Variants in LRRC58 observed in about 807,000 individuals in gnomAD.
LRRC58 encodes the protein leucine rich repeat containing 58.
Under a neutral mutation model 30.6 loss-of-function variants are expected in LRRC58, and 18 were observed. That is an observed-to-expected ratio of 0.59 (90% CI 0.41 to 0.87). The LOEUF is 0.87. Ranked by LOEUF, LRRC58 falls within the 40% of genes least tolerant of loss-of-function variation. The pLI is 0.00. For synonymous variants in LRRC58, 221 were observed against 206.0 expected (o/e 1.07, Z -0.62); for missense variants, 420 against 468.4 (o/e 0.90, Z 0.95).
intron 3 of LRRC58, among the ~76,000 whole-genome samples, chr3:120,332,407 T>C (rs531565974): frequency 6.6e-6 from 1 of 152,338 alleles, no homozygotes; most frequent in East Asian, 1.9e-4. Context: ...TTTGATCTTG[T>C]AGTAAGTATA....
At chr3:120,336,045 C>A (rs1935831007) in intron 1 of LRRC58, 92 bp from the exon 2 acceptor site, 2 of 882,388 alleles carry the variant, frequency 2.3e-6, no homozygotes, top group East Asian at 5.3e-5. Flanking sequence ...TTCATCTATT[C>A]ATTCAGCAAA....
Position 120,330,049 on chromosome 3 carries a change from G to A in LRRC58, c.*1151C>T, listed in dbSNP as rs1418346218. On this transcript the variant is annotated 3_prime_UTR_variant, in exon 4 of 4. Coordinates refer to ENST00000295628, the MANE Select transcript of LRRC58 (RefSeq NM_001099678.2). ...AGTAGTTCTGGAAACTGTTCCATTAGGTATAAGGACAATGACTCCTTTTCT... is the reference window on the plus strand; with the variant it reads ...AGTAGTTCTGGAAACTGTTCCATTAAGTATAAGGACAATGACTCCTTTTCT... The A allele has an allele frequency of 1.3e-5, 2 of 151,856 alleles. No homozygotes were observed. The highest frequency in any genetic ancestry group is 4.8e-5 in the African/African-American group (2 of 41,362). The allele number at this position is 151,856 out of a possible 1,614,324, so 9.4% of individuals were successfully genotyped here.
intron 3 of LRRC58, among the ~76,000 whole-genome samples, chr3:120,332,034 C>G (rs370933742): frequency 5.4e-4 from 82 of 152,266 alleles, no homozygotes; most frequent in African/African-American, 1.9e-3. Context: ...CCTTTTGATT[C>G]CTAGGTTAGT....
chr3:120,334,279 C>T (rs535381662), intron 3 of LRRC58, among the ~76,000 whole-genome samples: 4 of 152,006 alleles, frequency 2.6e-5, no homozygotes, highest in East Asian at 1.9e-4. Context: ...CCGAGGTGGG[C>T]GGATCACAAG....
At position 120,349,249 on chromosome 3, in the gene LRRC58, C is replaced by A; in HGVS notation, c.-6G>T. ...GCTGCTCCGGCCTCCTCCATCCTGG[C>A]CACCGCACGGCGCGTGGCGCCGGAT... On this transcript the variant is annotated 5_prime_UTR_variant, in exon 1 of 4. Transcript: ENST00000295628. 7.3e-7 allele frequency: 1 copy of A among 1,365,366 alleles called. No individual in the cohort carries two copies. The highest frequency in any genetic ancestry group is 4.0e-5 in the Admixed American group (1 of 25,224). 84.6% of individuals were successfully genotyped at this position (1,365,366 alleles called of 1,614,324 possible).
rs1203479089 is a variant in LRRC58, at chr3:120,335,140, C to G, written c.630-1G>C. On this transcript the variant is annotated splice_acceptor_variant, in intron 2 of 3. Coordinates refer to ENST00000295628, the MANE Select transcript of LRRC58 (RefSeq NM_001099678.2). LOFTEE classifies it high-confidence loss of function. ...ACTTAGGGAACGAAGTGAATGTAAC[C>G]TAGAATAAATGTAGTAGAAAAATCA... 4 of 1,608,824 alleles carry G rather than the reference C, an allele frequency of 2.5e-6. No individual in the cohort carries two copies. Among genetic ancestry groups the G allele is most frequent in the Non-Finnish European group, 3.4e-6 (4 of 1,176,698 alleles).
rs141281821 is a variant in LRRC58 at position 120,329,283 on chromosome 3, G to T, written c.*1917C>A. ...ATTTTACATTTGTCACTTAGGCACAGCCTAAGTCATCTTTACCTTTCATAA... is the reference window on the plus strand; with the variant it reads ...ATTTTACATTTGTCACTTAGGCACATCCTAAGTCATCTTTACCTTTCATAA... On this transcript the variant is annotated 3_prime_UTR_variant, in exon 4 of 4. Transcript: ENST00000295628. 1 of 152,090 alleles carries T rather than the reference G, an allele frequency of 6.6e-6. No homozygotes were observed. The highest frequency in any genetic ancestry group is 1.5e-5 in the Non-Finnish European group (1 of 67,968). 9.4% of individuals were successfully genotyped at this position (152,090 alleles called of 1,614,324 possible). A position where few individuals can be genotyped will look rare whatever the true frequency, so the allele number is the denominator to read the frequency against.
chr3:120,334,977 T>A lies in LRRC58; in HGVS notation c.792A>T (p.Glu264Asp). 6.2e-7 allele frequency: 1 copy of A among 1,613,898 alleles called. No individual in the cohort carries two copies. Among genetic ancestry groups the A allele is most frequent in the Non-Finnish European group, 8.5e-7 (1 of 1,179,842 alleles). Residue 264 changes from glutamate (E) to aspartate (D), a missense_variant, in exon 3 of 4, where the codon GAA becomes GAT. Physicochemically the swap from Glu to Asp is conservative, Grantham distance 45 (BLOSUM62 2). This residue lies in a region of LRRC58 where 154 missense variants were observed against 216.8 expected (regional missense o/e 0.71). Transcript: ENST00000295628. The part of the protein sequence containing the change: ...DLTYDPPTLL[E>D]LAARTIKIRN... ...GAATCTTAATGGTCCGTGCAGCTAA[T>A]TCCAGGAGAGTTGGAGGATCATAGG...
rs1346727075 is a variant in LRRC58, at chr3:120,331,197, T to C, written c.*3A>G. ...AGTATTTCACAACACTGTGCACTCCTGTTCAACCAAGAAGAACTTTCTGCA... is the reference window on the plus strand; with the variant it reads ...AGTATTTCACAACACTGTGCACTCCCGTTCAACCAAGAAGAACTTTCTGCA... On this transcript the variant is annotated 3_prime_UTR_variant, in exon 4 of 4. Transcript: ENST00000295628. 1.2e-6 allele frequency: 2 copies of C among 1,613,714 alleles called. No homozygotes were observed. Among genetic ancestry groups the C allele is most frequent in the Admixed American group, 1.7e-5 (1 of 60,028 alleles).
intron 1 of LRRC58, among the ~76,000 whole-genome samples, chr3:120,344,129 G>C (rs1009450459): frequency 2.0e-5 from 3 of 152,086 alleles, no homozygotes; most frequent in African/African-American, 7.2e-5. Context: ...TTATATGGTT[G>C]GTTAAAAGGA....
intron 1 of LRRC58, among the ~76,000 whole-genome samples, chr3:120,338,411 A>AT (rs1348912199): frequency 6.6e-6 from 1 of 152,258 alleles, no homozygotes; most frequent in Non-Finnish European, 1.5e-5. Flanking sequence ...TAGAATGTAA[A>AT]TAAGTTCAAG....
intron 3 of LRRC58, among the ~76,000 whole-genome samples, chr3:120,332,670 A>T (rs574492035): frequency 3.9e-5 from 6 of 152,252 alleles, no homozygotes; most frequent in African/African-American, 1.4e-4. Flanking sequence ...CTTTTGTTTA[A>T]GTTACAGTTT....
rs372781365 is a variant in LRRC58 at position 120,334,907 on chromosome 3, T to C, written c.862A>G (p.Arg288Gly). The change falls in exon 3 of 4, where the codon AGA becomes GGA. Residue 288 changes from arginine (R) to glycine (G), a missense_variant. Arg to Gly is a moderately radical substitution (Grantham distance 125, BLOSUM62 -2). Around this residue, in one of 2 missense-constraint regions of LRRC58, gnomAD observed 154 missense variants for 216.8 expected, o/e 0.71. Transcript: ENST00000295628. ...TPYDLPGNLL[R>G]YLGSASNCPN... ...CAATTGCTGGCTGAACCCAAGTATC[T>C]AAGAAGATTTCCAGGAAGATCATAG... is the stretch of plus-strand genomic sequence containing the variant. The C allele has an allele frequency of 1.2e-6, 2 of 1,613,644 alleles. No homozygotes were observed. Among genetic ancestry groups the C allele is most frequent in the Non-Finnish European group, 8.5e-7 (1 of 1,179,784 alleles).
At position 120,328,313 on chromosome 3, in the gene LRRC58, G is replaced by C. The variant is rs1228982174; in HGVS notation, c.*2887C>G. On this transcript the variant is annotated 3_prime_UTR_variant, in exon 4 of 4. Coordinates refer to ENST00000295628, the MANE Select transcript of LRRC58 (RefSeq NM_001099678.2). ...ATCTTAGCACTATTTCACCAATTCA[G>C]TTTGGTGATGCTGAGAGAATTGATT... The C allele has an allele frequency of 6.6e-6, 1 of 152,120 alleles. No individual in the cohort carries two copies. The highest frequency in any genetic ancestry group is 2.4e-5 in the African/African-American group (1 of 41,436). The allele number at this position is 152,120 out of a possible 1,614,324, so 9.4% of individuals were successfully genotyped here.
rs376740242 is a variant in LRRC58, at chr3:120,335,071, T to G, written c.698A>C (p.Asn233Thr). ...ACTCAACTCTTCCAAATGAATAAGGTTGAGGATCTCTCGAGGCAGATATGT... is the reference window on the plus strand; with the variant it reads ...ACTCAACTCTTCCAAATGAATAAGGGTGAGGATCTCTCGAGGCAGATATGT... ...LLTYLPREIL[N>T]LIHLEELSLR... Residue 233 changes from asparagine (N) to threonine (T), a missense_variant, in exon 3 of 4, where the codon AAC becomes ACC. Asn to Thr is a moderately conservative substitution (Grantham distance 65, BLOSUM62 0). This residue lies in a region of LRRC58 where 154 missense variants were observed against 216.8 expected (regional missense o/e 0.71). Transcript: ENST00000295628. The G allele has an allele frequency of 7.1e-5, 115 of 1,613,894 alleles. No homozygotes were observed. The highest frequency in any genetic ancestry group is 9.0e-5 in the Non-Finnish European group (106 of 1,179,872).
intron 1 of LRRC58, among the ~76,000 whole-genome samples, chr3:120,336,826 CTATA>C: frequency 6.8e-6 from 1 of 147,798 alleles, no homozygotes; most frequent in African/African-American, 2.5e-5. Flanking sequence ...TCAGTTCTTA[CTATA>C]TATATTTATT....
At chr3:120,345,586 C>T (rs60055283) in intron 1 of LRRC58, among the ~76,000 whole-genome samples, 1,539 of 152,300 alleles carry the variant, frequency 0.01, 26 homozygotes, top group African/African-American at 0.035. Context: ...GTCACTATCT[C>T]GCCTCAAGTA....
rs771440263 is a variant in LRRC58, at chr3:120,348,874, C to T, written c.370G>A (p.Val124Met). ...AAACAGTTGCCGCTGAGGTTGAGCA[C>T]CTGGAGGCTGCGGCAGAGCGGCGAC... is the stretch of plus-strand genomic sequence containing the variant. ...AQSPLCRSLQ[V>M]LNLSGNCFQE... The change falls in exon 1 of 4, where the codon GTG (valine) becomes ATG (methionine). Residue 124 changes from valine (V) to methionine (M), a missense_variant. Val to Met is a conservative substitution (Grantham distance 21). Transcript: ENST00000295628. 2 of 1,596,534 alleles carry T rather than the reference C, an allele frequency of 1.3e-6. No individual in the cohort carries two copies. Among genetic ancestry groups the T allele is most frequent in the Non-Finnish European group, 1.7e-6 (2 of 1,172,764 alleles).
chr3:120,348,210 A>C (rs148502929), intron 1 of LRRC58, among the ~76,000 whole-genome samples: 1 of 152,224 alleles, frequency 6.6e-6, no homozygotes, highest in South Asian at 2.1e-4. Context: ...TTCAACACAT[A>C]CTGAGTGCCT....
Sources: allele counts gnomAD v4.1 joint callset (sites outside exome capture counted in the v4.1 genomes callset), GRCh38; gene constraint gnomAD v4.1.1; regional missense constraint gnomAD v4.1.1; transcripts MANE v1.5; gene names NCBI Gene and HGNC (gene_info 2026-07-23, HGNC 2026-07-21).